Variants in OTUD7B observed in about 807,000 individuals in gnomAD.
OTUD7B encodes the protein OTU domain-containing protein 7B.
A neutral mutation model predicts 82.2 loss-of-function variants in OTUD7B; 34 were observed. The ratio of observed to expected loss-of-function variants is 0.41; its 90% confidence interval spans 0.31 to 0.55. The LOEUF (loss-of-function observed/expected upper bound fraction) is 0.55. OTUD7B is among the 20% of genes least tolerant of loss of function. OTUD7B has a pLI of 0.20. For missense variants in OTUD7B, 944 were observed against 1,062.1 expected (o/e 0.89, Z 1.55); for synonymous variants, 398 against 402.7 (o/e 0.99, Z 0.14).
chr1:149,946,741 G>GAAAA lies in OTUD7B; in HGVS notation c.1323+506_1323+509dup, dbSNP rs1553772237. On this transcript the variant is annotated intron_variant, in intron 11 of 11. Coordinates refer to ENST00000581312, the MANE Select transcript of OTUD7B (RefSeq NM_020205.4). ...TGGCTGACAGAGCAAGACTTCCTCT[G>GAAAA]AAAAAAAAAAAAAAAAAAAGGACAG... is the stretch of plus-strand genomic sequence containing the variant. 1.8e-3 allele frequency among the ~76,000 whole-genome samples: 146 copies of GAAAA among 79,496 alleles called. 12 individuals carry two copies. Among genetic ancestry groups the GAAAA allele is most frequent in the African/African-American group, 3.0e-3 (54 of 18,040 alleles). 52.2% of individuals were successfully genotyped at this position (79,496 alleles called of 152,430 possible).
At chr1:150,035,993 G>A in the OTUD7B span, among the ~76,000 whole-genome samples, 4 of 133,042 alleles carry the variant, frequency 3.0e-5, no homozygotes, top group South Asian at 2.4e-4. Flanking sequence ...TCTGTCTGCC[G>A]TCCAGGCTGG....
At chr1:149,946,913 C>T (rs1226660388) in intron 11 of OTUD7B, among the ~76,000 whole-genome samples, 1 of 148,216 alleles carries the variant, frequency 6.7e-6, no homozygotes, top group Non-Finnish European at 1.5e-5. Context: ...ATTAGCTGGG[C>T]GTGGTGGCGC....
At position 149,949,616 on chromosome 1, in the gene OTUD7B, T is replaced by C. The variant is rs781821795; in HGVS notation, c.1123+13A>G. 2 of 1,611,106 alleles carry C rather than the reference T, an allele frequency of 1.2e-6. No homozygotes were observed. Among genetic ancestry groups the C allele is most frequent in the Non-Finnish European group, 1.7e-6 (2 of 1,177,808 alleles). Reference sequence around the variant, plus strand: ...TGAAAATAATGCAGACCAAAAGACATGTCATTCAGCACCTTGTTCCTTGGT... The same window carrying C: ...TGAAAATAATGCAGACCAAAAGACACGTCATTCAGCACCTTGTTCCTTGGT... On this transcript the variant is annotated intron_variant, in intron 9 of 11. Transcript: ENST00000581312.
intron 1 of OTUD7B, among the ~76,000 whole-genome samples, chr1:149,982,968 T>G (rs1650877244): frequency 6.7e-6 from 1 of 149,484 alleles, no homozygotes; most frequent in African/African-American, 2.5e-5. Flanking sequence ...TGCCTCAGCC[T>G]CCCGAGTAGC....
intron 1 of OTUD7B, among the ~76,000 whole-genome samples, chr1:149,981,404 T>C (rs1553779625): frequency 6.6e-6 from 1 of 152,202 alleles, no homozygotes; most frequent in Admixed American, 6.5e-5. Flanking sequence ...GCTTTAACTG[T>C]TAGAAAATGC....
chr1:149,949,172 G>A, intron 9 of OTUD7B, 89 bp from the exon 10 acceptor site: 1 of 762,804 alleles, frequency 1.3e-6, no homozygotes, highest in South Asian at 1.6e-5. Flanking sequence ...TCATACTAAG[G>A]TCTTTAATTG....
chr1:150,000,891 A>C (rs1652234958), intron 1 of OTUD7B, among the ~76,000 whole-genome samples: 1 of 152,082 alleles, frequency 6.6e-6, no homozygotes, highest in Non-Finnish European at 1.5e-5. Context: ...AGGCAAGAGA[A>C]TCGCTTGAAC....
the OTUD7B span, among the ~76,000 whole-genome samples, chr1:150,017,601 G>T: frequency 1.3e-5 from 2 of 152,176 alleles, no homozygotes; most frequent in Non-Finnish European, 2.9e-5. Flanking sequence ...CAACACTTTA[G>T]CTCAGGCAAT....
Position 149,967,340 on chromosome 1 carries a change from C to G in OTUD7B, c.456G>C (p.Glu152Asp). ...VYNEDFRSFI[E>D]RDLIEQSMLV... is the part of the protein sequence containing the mutation. Reference sequence around the variant, plus strand: ...GCATGGACTGCTCAATGAGGTCTCTCTCTATGAAGCTGCGGAAGTCTTCAT... The same window carrying G: ...GCATGGACTGCTCAATGAGGTCTCTGTCTATGAAGCTGCGGAAGTCTTCAT... The change falls in exon 4 of 12, where the codon GAG becomes GAC. Residue 152 changes from glutamate (E) to aspartate (D), a missense_variant. Glu to Asp is a conservative substitution (Grantham distance 45). Coordinates refer to ENST00000581312, the MANE Select transcript of OTUD7B (RefSeq NM_020205.4). 1 of 1,614,122 alleles carries G rather than the reference C, an allele frequency of 6.2e-7. No homozygotes were observed. The highest frequency in any genetic ancestry group is 8.5e-7 in the Non-Finnish European group (1 of 1,179,994).
At chr1:150,045,453 G>A in the OTUD7B span, among the ~76,000 whole-genome samples, 4 of 148,802 alleles carry the variant, frequency 2.7e-5, no homozygotes, top group African/African-American at 7.4e-5. Context: ...CTAAGCGTGC[G>A]CCCTACCACT....
chr1:150,029,716 G>A, the OTUD7B span, among the ~76,000 whole-genome samples: 2 of 152,196 alleles, frequency 1.3e-5, no homozygotes, highest in African/African-American at 2.4e-5. Context: ...AGAAACAGAG[G>A]ATCCAAAATA....
chr1:150,009,098 ATAAT>A (rs1232023397), intron 1 of OTUD7B, among the ~76,000 whole-genome samples: 2 of 152,210 alleles, frequency 1.3e-5, no homozygotes, highest in Middle Eastern at 3.2e-3. Flanking sequence ...GACAAAGCGT[ATAAT>A]TAATTCTTCA....
At chr1:150,016,194 T>C in the OTUD7B span, among the ~76,000 whole-genome samples, 2 of 152,316 alleles carry the variant, frequency 1.3e-5, no homozygotes, top group Admixed American at 6.5e-5. Flanking sequence ...TTTCTATTGC[T>C]TGTAACCAAA....
chr1:149,977,808 GCTTTTCCTGTA>G (rs1650430464), intron 1 of OTUD7B, among the ~76,000 whole-genome samples: 2 of 152,114 alleles, frequency 1.3e-5, no homozygotes, highest in South Asian at 4.1e-4. Context: ...TCTGAAAAAT[GCTTTTCCTGTA>G]CTTTTCCTGA....
At chr1:149,952,805 T>G (rs1185658261) in intron 7 of OTUD7B, among the ~76,000 whole-genome samples, 1 of 152,256 alleles carries the variant, frequency 6.6e-6, no homozygotes, top group Admixed American at 6.5e-5. Flanking sequence ...TGGCCAGTGA[T>G]GATGAGCATT....
chr1:150,054,885 A>C, the OTUD7B span: 1 of 211,854 alleles, frequency 4.7e-6, no homozygotes, highest in Non-Finnish European at 1.0e-5. Flanking sequence ...AGAAAGAGAA[A>C]TACGAGATTA....
intron 11 of OTUD7B, among the ~76,000 whole-genome samples, chr1:149,946,105 G>A (rs189933802): frequency 9.0e-4 from 133 of 147,592 alleles, no homozygotes; most frequent in African/African-American, 3.0e-3. Context: ...TAGGTCAGGC[G>A]CGGTGGCTCA....
Position 149,944,482 on chromosome 1 carries a change from T to C in OTUD7B, c.1907A>G (p.Glu636Gly), listed in dbSNP as rs1559820955. 2 of 1,614,136 alleles carry C rather than the reference T, an allele frequency of 1.2e-6. No individual in the cohort carries two copies. The highest frequency in any genetic ancestry group is 1.7e-5 in the Admixed American group (1 of 60,028). The change falls in exon 12 of 12, where the codon GAG becomes GGG. Residue 636 changes from glutamate (E) to glycine (G), a missense_variant. Coordinates refer to ENST00000581312, the MANE Select transcript of OTUD7B (RefSeq NM_020205.4). ...EMIQRYLSDA[E>G]ERFLAEQKQK... ...CTTCTGTTCTGCCAGGAATCTCTCC[T>C]CAGCATCAGAAAGGTAGCGCTGGAT...
chr1:149,950,425 C>T (rs781274667), intron 7 of OTUD7B, among the ~76,000 whole-genome samples: 1 of 152,152 alleles, frequency 6.6e-6, no homozygotes, highest in Non-Finnish European at 1.5e-5. Context: ...ATGGGGAAAT[C>T]CAAGAAAAGA....
Sources: gnomAD v4.1 joint callset for allele counts (sites outside exome capture counted in the v4.1 genomes callset) on GRCh38, gnomAD v4.1.1 for gene constraint, MANE v1.5 for transcripts, NCBI Gene and HGNC (gene_info 2026-07-23, HGNC 2026-07-21) for gene names.